The following POLR3B variants were observed in gnomAD, a reference collection of about 807,000 sequenced individuals.
POLR3B encodes DNA-directed RNA polymerase III subunit RPC2.
A neutral mutation model predicts 147.4 loss-of-function variants in POLR3B; 96 were observed. The observed-to-expected ratio is 0.65, with a 90% confidence interval of 0.55 to 0.77. POLR3B has a LOEUF of 0.77. POLR3B is among the 30% of genes least tolerant of loss of function. The probability of loss-of-function intolerance (pLI) is 0.00; values close to 1 mark genes in which losing one functional copy is unlikely to be tolerated. For synonymous variants in POLR3B, 461 were observed against 485.9 expected, an observed-to-expected ratio of 0.95 and a Z score of 0.67; for missense variants, 1,036 against 1,413.5, an observed-to-expected ratio of 0.73 and a Z score of 4.28.
chr12:106,444,557 A>G lies in POLR3B; in HGVS notation c.2050A>G (p.Thr684Ala). The G allele has an allele frequency of 6.2e-7, 1 of 1,614,012 alleles. No individual in the cohort carries two copies. Among genetic ancestry groups the G allele is most frequent in the Non-Finnish European group, 8.5e-7 (1 of 1,179,946 alleles). Reference sequence around the variant, plus strand: ...TCACCATAACCAGTCACCGAGAAACACTTATCAGTGTGCCATGGGGAAACA... The same window carrying G: ...TCACCATAACCAGTCACCGAGAAACGCTTATCAGTGTGCCATGGGGAAACA... ...YPHHNQSPRNTYQCAMGKQAM... is the reference protein window; with the variant it reads ...YPHHNQSPRNAYQCAMGKQAM... Residue 684 changes from threonine (T) to alanine (A), a missense_variant, in exon 19 of 28, where the codon ACT (threonine) becomes GCT (alanine). This residue lies in a region of POLR3B where 5 missense variants were observed against 30.9 expected (regional missense o/e 0.16). Transcript: ENST00000228347.
At chr12:106,369,381 G>C (rs751088794) in intron 5 of POLR3B, 31 bp downstream of exon 5, 8 of 1,274,450 alleles carry the variant, frequency 6.3e-6, no homozygotes, top group Non-Finnish European at 6.9e-6. Context: ...AATTGGACTT[G>C]TTTGCTTTAA....
At chr12:106,359,163 C>T (rs979010505) in intron 1 of POLR3B, among the ~76,000 whole-genome samples, 3 of 151,984 alleles carry the variant, frequency 2.0e-5, no homozygotes, top group Non-Finnish European at 2.9e-5. Flanking sequence ...TGCAGTGAGC[C>T]GTAATTGTGC....
At chr12:106,401,158 C>T (rs1311798759) in intron 10 of POLR3B, among the ~76,000 whole-genome samples, 1 of 152,146 alleles carries the variant, frequency 6.6e-6, no homozygotes, top group Non-Finnish European at 1.5e-5. Context: ...AGCGATCCCA[C>T]AGAAATACAA....
intron 12 of POLR3B, among the ~76,000 whole-genome samples, chr12:106,414,880 A>G (rs968992973): frequency 1.3e-5 from 2 of 152,190 alleles, no homozygotes; most frequent in African/African-American, 2.4e-5. Flanking sequence ...AATTAATTAC[A>G]TGTTCTAAAA....
intron 23 of POLR3B, among the ~76,000 whole-genome samples, chr12:106,485,498 A>G (rs756977040): frequency 6.6e-6 from 1 of 152,182 alleles, no homozygotes; most frequent in Non-Finnish European, 1.5e-5. Flanking sequence ...GCAGTGGTCC[A>G]GGCAAGAAAG....
At chr12:106,465,399 G>A (rs2037990751) in intron 23 of POLR3B, among the ~76,000 whole-genome samples, 1 of 152,094 alleles carries the variant, frequency 6.6e-6, no homozygotes, top group South Asian at 2.1e-4. Context: ...ATCCCATCAG[G>A]GTATTATGCA....
At chr12:106,429,903 A>G (rs1301795543) in intron 13 of POLR3B, among the ~76,000 whole-genome samples, 2 of 152,166 alleles carry the variant, frequency 1.3e-5, no homozygotes, top group African/African-American at 2.4e-5. Context: ...TTTCCTTTAA[A>G]TGTGTATAGA....
At chr12:106,415,321 C>T (rs1335030690) in intron 12 of POLR3B, among the ~76,000 whole-genome samples, 1 of 152,130 alleles carries the variant, frequency 6.6e-6, no homozygotes, top group Non-Finnish European at 1.5e-5. Context: ...ATGGAAGATA[C>T]CAAGTTAGGG....
intron 19 of POLR3B, among the ~76,000 whole-genome samples, 173 bp from the exon 20 acceptor site, chr12:106,454,329 G>A (rs2037837273): frequency 1.3e-5 from 2 of 152,144 alleles, no homozygotes. Context: ...AGTGAGAAAA[G>A]TTGCTTTTGC....
chr12:106,503,996 C>T lies in POLR3B; in HGVS notation c.3099-85C>T, dbSNP rs115674949. On this transcript the variant is annotated intron_variant, in intron 26 of 27. Transcript: ENST00000228347. Reference sequence around the variant, plus strand: ...ATCCAGATGAGCCCTGCTCCAAAGCCTCGTGCTCTCTGCCAGCATGTGATG... The same window carrying T: ...ATCCAGATGAGCCCTGCTCCAAAGCTTCGTGCTCTCTGCCAGCATGTGATG... The T allele has an allele frequency of 3.5e-3, 4,470 of 1,263,364 alleles. 121 individuals carry two copies. The African/African-American group carries it at 0.059, about 17-fold the overall frequency. The allele number at this position is 1,263,364 out of a possible 1,614,324, so 78.3% of individuals were successfully genotyped here. A position where few individuals can be genotyped will look rare whatever the true frequency, so the allele number is the denominator to read the frequency against.
intron 23 of POLR3B, among the ~76,000 whole-genome samples, chr12:106,467,518 C>T (rs548029694): frequency 6.6e-6 from 1 of 152,296 alleles, no homozygotes; most frequent in African/African-American, 2.4e-5. Context: ...AGAGGGCATC[C>T]TTGTCTTGTG....
chr12:106,404,976 T>G (rs969230503), intron 10 of POLR3B, among the ~76,000 whole-genome samples: 3 of 152,212 alleles, frequency 2.0e-5, no homozygotes, highest in African/African-American at 7.2e-5. Context: ...CACCATTTGT[T>G]GAGAAGATTT....
intron 16 of POLR3B, among the ~76,000 whole-genome samples, chr12:106,436,455 C>A: frequency 6.6e-6 from 1 of 152,176 alleles, no homozygotes. Flanking sequence ...CATTCTCTGC[C>A]AACTTTTAGC....
At chr12:106,430,498 G>A (rs1565894202) in intron 14 of POLR3B, 25 bp downstream of exon 14, 3 of 1,589,952 alleles carry the variant, frequency 1.9e-6, no homozygotes, top group Non-Finnish European at 2.6e-6. Context: ...GAGTCTTGAT[G>A]CTGTGTAAGA....
chr12:106,475,659 G>C (rs960652012), intron 23 of POLR3B, among the ~76,000 whole-genome samples: 2 of 144,490 alleles, frequency 1.4e-5, no homozygotes, highest in African/African-American at 5.5e-5. Flanking sequence ...TTGGTTTAAA[G>C]TCTGTTTTAT....
intron 23 of POLR3B, among the ~76,000 whole-genome samples, chr12:106,487,752 G>T (rs950550127): frequency 6.6e-6 from 1 of 152,152 alleles, no homozygotes; most frequent in Non-Finnish European, 1.5e-5. Context: ...ATAATTAGTA[G>T]CTAAATGAAA....
intron 14 of POLR3B, among the ~76,000 whole-genome samples, 178 bp from the exon 15 acceptor site, chr12:106,432,140 C>T (rs1262562714): frequency 6.6e-6 from 1 of 152,078 alleles, no homozygotes; most frequent in Non-Finnish European, 1.5e-5. Flanking sequence ...GAGAAATTCC[C>T]CTGAGTTAAG....
rs1371959881 is a variant in POLR3B, at chr12:106,433,859, G to A, written c.1768G>A (p.Gly590Arg). Residue 590 changes from glycine to arginine, a missense_variant, in exon 16 of 28, where the codon GGA (glycine) becomes AGA (arginine). Around this residue, in one of 12 missense-constraint regions of POLR3B, gnomAD observed 177 missense variants for 232.7 expected, o/e 0.76. Transcript: ENST00000228347. ...ATGTGTCTATATTTCTTCTGATGGG[G>A]GAAGGCTATGCAGGTATATATGCAG... The part of the protein sequence containing the change: ...DRCVYISSDG[G>R]RLCRPYIIVK... 6.2e-7 allele frequency: 1 copy of A among 1,613,264 alleles called. No individual in the cohort carries two copies.
intron 23 of POLR3B, among the ~76,000 whole-genome samples, chr12:106,489,100 A>G (rs1043691460): frequency 1.3e-5 from 2 of 152,204 alleles, no homozygotes; most frequent in African/African-American, 4.8e-5. Flanking sequence ...GGTCCTGTGG[A>G]TCACAGCATC....
Sources: gnomAD v4.1 joint callset for allele counts (sites outside exome capture counted in the v4.1 genomes callset) on GRCh38, gnomAD v4.1.1 for gene constraint, gnomAD v4.1.1 regional missense constraint, MANE v1.5 for transcripts, NCBI Gene and HGNC (gene_info 2026-07-23, HGNC 2026-07-21) for gene names.